The following PCDH11Y variants were observed in gnomAD, a reference collection of about 807,000 sequenced individuals.
PCDH11Y encodes protocadherin-11 Y-linked.
For synonymous variants in PCDH11Y, 9 were observed against 83.6 expected (o/e 0.11, Z 4.87); for missense variants, 12 against 224.8 (o/e 0.05, Z 6.05).
intron 4 of PCDH11Y, among the ~76,000 whole-genome samples, chrY:5,716,284 A>G: frequency 3.1e-5 from 1 of 32,646 alleles, no homozygotes; most frequent in Non-Finnish European, 7.6e-5. Flanking sequence ...TTGGAAAGGA[A>G]GAAGTCAAAT....
chrY:5,165,933 T>A (rs2052878984), intron 2 of PCDH11Y, among the ~76,000 whole-genome samples: 1 of 32,262 alleles, frequency 3.1e-5, no homozygotes, highest in Non-Finnish European at 7.7e-5. Context: ...ACCTTATGCA[T>A]ATAAATTTGA....
intron 3 of PCDH11Y, among the ~76,000 whole-genome samples, chrY:5,578,110 A>C: frequency 3.0e-5 from 1 of 32,881 alleles, no homozygotes. Flanking sequence ...TTAACCTTAC[A>C]CACAATTTGA....
chrY:5,396,957 G>A (rs2053227975), intron 2 of PCDH11Y, among the ~76,000 whole-genome samples: 2 of 31,495 alleles, frequency 6.4e-5, no homozygotes, highest in Non-Finnish European at 1.5e-4. Flanking sequence ...GGGTTTCGCC[G>A]TGTTGGCCAA....
At chrY:5,305,734 G>A (rs1056014252) in intron 2 of PCDH11Y, among the ~76,000 whole-genome samples, 2 of 33,053 alleles carry the variant, frequency 6.1e-5, no homozygotes, top group South Asian at 6.8e-4. Context: ...AAGCTCCAGA[G>A]AGAGTTGGAT....
At chrY:5,546,339 A>G in intron 3 of PCDH11Y, among the ~76,000 whole-genome samples, 1 of 33,228 alleles carries the variant, frequency 3.0e-5, no homozygotes, top group Non-Finnish European at 7.5e-5. Flanking sequence ...CTTATTCAAA[A>G]AAAGTTTTAT....
intron 3 of PCDH11Y, among the ~76,000 whole-genome samples, chrY:5,032,925 T>C: frequency 3.2e-5 from 1 of 31,513 alleles, no homozygotes; most frequent in African/African-American, 1.2e-4. Context: ...ACTGATATCA[T>C]GTAGGGAGAG....
intron 3 of PCDH11Y, among the ~76,000 whole-genome samples, chrY:5,521,774 A>G: frequency 3.0e-5 from 1 of 32,837 alleles, no homozygotes; most frequent in African/African-American, 1.2e-4. Flanking sequence ...CACAAATGTC[A>G]GTGTTTGCCA....
At chrY:5,250,529 G>A (rs2124656797) in intron 2 of PCDH11Y, among the ~76,000 whole-genome samples, 1 of 32,531 alleles carries the variant, frequency 3.1e-5, no homozygotes, top group South Asian at 6.9e-4. Flanking sequence ...ACCAAATATC[G>A]TGTGTTCTCA....
chrY:5,206,903 A>G (rs2052932842), intron 2 of PCDH11Y, among the ~76,000 whole-genome samples: 1 of 29,783 alleles, frequency 3.4e-5, no homozygotes, highest in African/African-American at 1.4e-4. Context: ...CATTTACTCA[A>G]TATGAACTTA....
chrY:5,165,187 T>C (rs2052878071), intron 2 of PCDH11Y, among the ~76,000 whole-genome samples: 1 of 31,227 alleles, frequency 3.2e-5, no homozygotes, highest in Non-Finnish European at 7.9e-5. Flanking sequence ...GGATTGCCAC[T>C]GTCAACTAAC....
At chrY:5,367,762 A>G in intron 2 of PCDH11Y, among the ~76,000 whole-genome samples, 2 of 29,395 alleles carry the variant, frequency 6.8e-5, no homozygotes, top group East Asian at 1.8e-3. Context: ...ACACACACAT[A>G]CACATTGATA....
intron 4 of PCDH11Y, among the ~76,000 whole-genome samples, chrY:5,597,285 ATATATATG>A (rs2053467880): frequency 3.5e-5 from 1 of 28,696 alleles, no homozygotes; most frequent in Non-Finnish European, 8.1e-5. Flanking sequence ...ATATATGTGT[ATATATATG>A]TATATATGTA....
intron 3 of PCDH11Y, among the ~76,000 whole-genome samples, chrY:5,531,444 G>A: frequency 9.1e-5 from 3 of 32,860 alleles, no homozygotes; most frequent in African/African-American, 3.6e-4. Context: ...TGTAACAGCA[G>A]GTAATCATAA....
chrY:5,536,417 G>GT (rs2053400398), intron 3 of PCDH11Y, among the ~76,000 whole-genome samples: 10 of 32,921 alleles, frequency 3.0e-4, no homozygotes, highest in African/African-American at 9.5e-4. Flanking sequence ...GTTTTGTTTT[G>GT]TTTTTTCTGT....
At chrY:5,127,427 T>C in intron 2 of PCDH11Y, among the ~76,000 whole-genome samples, 3 of 32,687 alleles carry the variant, frequency 9.2e-5, no homozygotes, top group Admixed American at 8.7e-4. Context: ...GGTGAAAGAA[T>C]AGCTTTTAAA....
At chrY:5,483,564 G>C in intron 2 of PCDH11Y, among the ~76,000 whole-genome samples, 1 of 32,073 alleles carries the variant, frequency 3.1e-5, no homozygotes, top group Non-Finnish European at 7.6e-5. Context: ...ATGATTCCTA[G>C]CAACAGATAA....
intron 2 of PCDH11Y, among the ~76,000 whole-genome samples, chrY:5,326,534 T>C: frequency 3.1e-5 from 1 of 32,630 alleles, no homozygotes; most frequent in Non-Finnish European, 7.5e-5. Flanking sequence ...CTGGTGGAAC[T>C]GCCATCAATA....
chrY:5,403,574 G>T, intron 2 of PCDH11Y, among the ~76,000 whole-genome samples: 1 of 32,594 alleles, frequency 3.1e-5, no homozygotes, highest in African/African-American at 1.2e-4. Context: ...CTCAATAGAC[G>T]CAATATACAG....
At chrY:5,140,248 C>A in intron 2 of PCDH11Y, among the ~76,000 whole-genome samples, 1 of 30,590 alleles carries the variant, frequency 3.3e-5, no homozygotes, top group Admixed American at 3.1e-4. Context: ...TCTCACAGTT[C>A]TGTAAGTCAG....
Sources: allele counts gnomAD v4.1 joint callset (sites outside exome capture counted in the v4.1 genomes callset), GRCh38; gene constraint gnomAD v4.1.1; transcripts MANE v1.5; gene names NCBI Gene and HGNC (gene_info 2026-07-23, HGNC 2026-07-21).